DLGAP4: variants seen among roughly 807,000 people sequenced by gnomAD.
The protein encoded by DLGAP4 is disks large-associated protein 4.
Under a neutral mutation model 86.9 loss-of-function variants are expected in DLGAP4, and 18 were observed. That is an observed-to-expected ratio of 0.21 (90% confidence interval 0.14 to 0.31). The LOEUF is 0.31. Ranked by LOEUF, DLGAP4 falls within the 10% of genes least tolerant of loss-of-function variation. DLGAP4 has a pLI of 1.00. For missense variants in DLGAP4, 1,085 were observed against 1,362.6 expected (o/e 0.80, Z 3.21); for synonymous variants, 548 against 574.3 (o/e 0.95, Z 0.65).
intron 1 of DLGAP4, among the ~76,000 whole-genome samples, chr20:36,325,728 T>C (rs1227796092): frequency 6.6e-6 from 1 of 151,948 alleles, no homozygotes; most frequent in Non-Finnish European, 1.5e-5. Flanking sequence ...ACTTTTTTTT[T>C]TTTTTTGAGA....
At chr20:36,320,921 G>C (rs1422425107) in intron 1 of DLGAP4, among the ~76,000 whole-genome samples, 1 of 152,172 alleles carries the variant, frequency 6.6e-6, no homozygotes, top group Non-Finnish European at 1.5e-5. Flanking sequence ...GAACCCTCCT[G>C]TACCCCTTCC....
intron 4 of DLGAP4, 34 bp downstream of exon 4, chr20:36,436,384 C>T: frequency 6.4e-7 from 1 of 1,552,242 alleles, no homozygotes; most frequent in Non-Finnish European, 8.7e-7. Flanking sequence ...CGGTCCCGCC[C>T]AGAGGCAAGC....
chr20:36,526,790 C>T (rs967871498), intron 12 of DLGAP4, 23 bp from the exon 13 acceptor site: 2 of 1,553,564 alleles, frequency 1.3e-6, no homozygotes, highest in African/African-American at 2.8e-5. Flanking sequence ...TATTTTTGTT[C>T]TCTCCTCACT....
At chr20:36,353,966 C>T (rs2030243911) in intron 1 of DLGAP4, among the ~76,000 whole-genome samples, 1 of 152,230 alleles carries the variant, frequency 6.6e-6, no homozygotes, top group African/African-American at 2.4e-5. Context: ...AGTGGGTTTG[C>T]ATCCAGGTCA....
In DLGAP4 at chr20:36,432,723, C is replaced by A; in HGVS notation, c.999+7C>A. 1 of 1,611,954 alleles carries A rather than the reference C, an allele frequency of 6.2e-7. No individual in the cohort carries two copies. ...AGCCTACCATTACCTGCAGGTGGGT[C>A]TCTGGCAGGGTCAGGGGTGGGATGA... is the stretch of plus-strand genomic sequence containing the variant. On this transcript the variant is annotated splice_region_variant and intron_variant, in intron 3 of 12. Coordinates refer to ENST00000339266, the MANE Select transcript of DLGAP4 (RefSeq NM_001365621.2). The surrounding 1 kb of genome is among the most constrained non-coding windows in gnomAD (Gnocchi z 6.5).
intron 7 of DLGAP4, among the ~76,000 whole-genome samples, chr20:36,475,422 G>A (rs958698845): frequency 2.3e-4 from 35 of 152,172 alleles, no homozygotes; most frequent in Admixed American, 1.9e-3. Context: ...TGTTGACCAG[G>A]CTGGTCTCGA....
At chr20:36,351,502 A>G (rs1239428712) in intron 1 of DLGAP4, among the ~76,000 whole-genome samples, 1 of 151,846 alleles carries the variant, frequency 6.6e-6, no homozygotes, top group Non-Finnish European at 1.5e-5. Flanking sequence ...CATCACCCCC[A>G]GATGGGACCA....
chr20:36,466,531 G>A lies in DLGAP4; in HGVS notation c.1648+19594G>A, dbSNP rs6020984. On this transcript the variant is annotated intron_variant, in intron 7 of 12. Transcript: ENST00000339266. Reference sequence around the variant, plus strand: ...TACAGGAATGTAATGAGGTTGATGAGGTGTGTGGTGTAAATCTCTCTCGGG... The same window carrying A: ...TACAGGAATGTAATGAGGTTGATGAAGTGTGTGGTGTAAATCTCTCTCGGG... 7.4e-3 allele frequency among the ~76,000 whole-genome samples: 1,125 copies of A among 152,290 alleles called. 18 individuals carry two copies. Among genetic ancestry groups the A allele is most frequent in the African/African-American group, 0.025 (1,058 of 41,562 alleles).
At chr20:36,416,197 C>T (rs2032648824) in intron 2 of DLGAP4, among the ~76,000 whole-genome samples, 1 of 152,210 alleles carries the variant, frequency 6.6e-6, no homozygotes, top group Non-Finnish European at 1.5e-5. Context: ...TCTTGGCTCA[C>T]TGCAACCTCC....
chr20:36,509,358 A>G (rs935415875), intron 10 of DLGAP4, among the ~76,000 whole-genome samples: 4 of 152,020 alleles, frequency 2.6e-5, no homozygotes, highest in Non-Finnish European at 5.9e-5. Context: ...ATCACCTGAG[A>G]TCAGGAGTTT....
intron 1 of DLGAP4, among the ~76,000 whole-genome samples, chr20:36,327,085 C>T (rs111387824): frequency 4.0e-5 from 6 of 150,586 alleles, no homozygotes; most frequent in South Asian, 2.1e-4. Flanking sequence ...CTGCAGCCTC[C>T]GCTACCCAGG....
intron 7 of DLGAP4, chr20:36,462,403 TGC>T: frequency 6.9e-7 from 1 of 1,456,910 alleles, no homozygotes; most frequent in Non-Finnish European, 8.9e-7. Context: ...CTGTGCCTCT[TGC>T]GCTGAAGGCC....
At chr20:36,451,847 G>A (rs987914026) in intron 7 of DLGAP4, among the ~76,000 whole-genome samples, 16 of 146,406 alleles carry the variant, frequency 1.1e-4, no homozygotes, top group Admixed American at 9.0e-4. Context: ...CTCAACCTCC[G>A]CCTCCTGGAT....
At chr20:36,443,020 C>A (rs753598491) in intron 6 of DLGAP4, among the ~76,000 whole-genome samples, 1 of 152,204 alleles carries the variant, frequency 6.6e-6, no homozygotes, top group Non-Finnish European at 1.5e-5. Context: ...GAAGAATGAG[C>A]TAGGTGCTCT....
Position 36,343,459 on chromosome 20 carries a change from A to G in DLGAP4, c.-303-23586A>G, listed in dbSNP as rs540885051. Among the ~76,000 whole-genome samples the G allele has an allele frequency of 2.0e-5, 3 of 152,232 alleles. No homozygotes were observed. The East Asian group carries it at 5.8e-4, about 29-fold the overall frequency. On this transcript the variant is annotated intron_variant, in intron 1 of 12. Coordinates refer to ENST00000339266, the MANE Select transcript of DLGAP4 (RefSeq NM_001365621.2). ...AGTGCCACATCATACCAACTTTATG[A>G]TGTGCTCAAGGTCACCCAACTTGGA...
rs920906055 is a variant in DLGAP4, at chr20:36,315,459, G to A, written c.-304+8947G>A. Among the ~76,000 whole-genome samples, 813 of 151,932 alleles carry A rather than the reference G, an allele frequency of 5.4e-3. 9 individuals carry two copies. The highest frequency in any genetic ancestry group is 8.6e-3 in the Non-Finnish European group (585 of 67,918). ...GGCTGCGTGGGCTTCATGGGACCAC[G>A]TGGACTGGTGACAGGAGGAAACTGA... On this transcript the variant is annotated intron_variant, in intron 1 of 12. Transcript: ENST00000339266.
chr20:36,379,968 G>A (rs1490492689), intron 2 of DLGAP4, among the ~76,000 whole-genome samples: 1 of 152,142 alleles, frequency 6.6e-6, no homozygotes, highest in African/African-American at 2.4e-5. Context: ...AATCGCTTGA[G>A]GTCAGGAATT....
intron 1 of DLGAP4, among the ~76,000 whole-genome samples, chr20:36,307,176 C>G (rs2065011457): frequency 6.6e-6 from 1 of 152,270 alleles, no homozygotes; most frequent in Non-Finnish European, 1.5e-5. Flanking sequence ...GCTGGGCTGA[C>G]CCGGGCACCT....
chr20:36,499,189 TTTTC>T (rs1294231086), intron 8 of DLGAP4: 5 of 1,549,746 alleles, frequency 3.2e-6, no homozygotes, highest in African/African-American at 1.4e-5. Context: ...TGTGTGTGTG[TTTTC>T]TTTCTCTTTC....
Sources: gnomAD v4.1 joint callset for allele counts (sites outside exome capture counted in the v4.1 genomes callset) on GRCh38, gnomAD v4.1.1 for gene constraint, Gnocchi (gnomAD v3.1) non-coding constraint, MANE v1.5 for transcripts, NCBI Gene and HGNC (gene_info 2026-07-23, HGNC 2026-07-21) for gene names.